The following ARHGAP25 variants were observed in gnomAD, a reference collection of about 807,000 sequenced individuals.
The protein encoded by ARHGAP25 is Rho GTPase activating protein 25.
Under a neutral mutation model 71.0 loss-of-function variants are expected in ARHGAP25, and 34 were observed. That is an observed-to-expected ratio of 0.48 (90% CI 0.36 to 0.64). The LOEUF is 0.64. ARHGAP25 is among the 30% of genes least tolerant of loss of function. ARHGAP25 has a pLI of 0.00. For synonymous variants in ARHGAP25, 282 were observed against 296.5 expected (o/e 0.95, Z 0.50); for missense variants, 706 against 805.1 (o/e 0.88, Z 1.49).
intron 1 of ARHGAP25, among the ~76,000 whole-genome samples, chr2:68,738,458 C>A (rs1027262812): frequency 2.0e-5 from 3 of 152,136 alleles, no homozygotes; most frequent in Non-Finnish European, 4.4e-5. Context: ...GCTTTCTGAA[C>A]ATCAGAAAGT....
At chr2:68,810,420 C>G (rs4854520) in intron 5 of ARHGAP25, among the ~76,000 whole-genome samples, 50,809 of 152,022 alleles carry the variant, frequency 0.33, 8,618 homozygotes, top group East Asian at 0.43. Context: ...AAGCTGAGAC[C>G]CAATAAACAA....
chr2:68,804,139 A>G (rs1194131650), intron 4 of ARHGAP25, among the ~76,000 whole-genome samples: 1 of 152,184 alleles, frequency 6.6e-6, no homozygotes, highest in African/African-American at 2.4e-5. Flanking sequence ...TGAGGAGAAA[A>G]GCTAGAGAAC....
At chr2:68,742,473 G>A (rs1243328306) in intron 1 of ARHGAP25, among the ~76,000 whole-genome samples, 1 of 152,192 alleles carries the variant, frequency 6.6e-6, no homozygotes, top group Non-Finnish European at 1.5e-5. Flanking sequence ...GTGTGACGTT[G>A]GACCTCAGGT....
At chr2:68,816,971 A>C (rs2103688820) in intron 7 of ARHGAP25, 1 of 152,474 alleles carries the variant, frequency 6.6e-6, no homozygotes, top group African/African-American at 2.4e-5. Flanking sequence ...CAATCCCTTC[A>C]CCAGCAACAA....
intron 1 of ARHGAP25, among the ~76,000 whole-genome samples, chr2:68,739,064 G>C (rs1319388481): frequency 6.6e-6 from 1 of 152,180 alleles, no homozygotes; most frequent in Non-Finnish European, 1.5e-5. Context: ...GGCCATTTGA[G>C]GAAAAAGGAC....
intron 4 of ARHGAP25, among the ~76,000 whole-genome samples, chr2:68,799,092 G>C (rs928899442): frequency 1.3e-5 from 2 of 152,190 alleles, no homozygotes; most frequent in Admixed American, 6.5e-5. Flanking sequence ...TTGGACACGG[G>C]TGGTGGCAGT....
intron 3 of ARHGAP25, among the ~76,000 whole-genome samples, chr2:68,785,508 G>T (rs1678691835): frequency 6.6e-6 from 1 of 152,082 alleles, no homozygotes. Flanking sequence ...AGATGGATTT[G>T]CTGAGATTTG....
At chr2:68,720,401 C>G (rs1267854035) in intron 2 of ARHGAP25, among the ~76,000 whole-genome samples, 1 of 149,946 alleles carries the variant, frequency 6.7e-6, no homozygotes, top group Non-Finnish European at 1.5e-5. Context: ...TTACTCTGTA[C>G]AGAGATTAAC....
At chr2:68,760,444 G>T (rs1451046183) in intron 1 of ARHGAP25, among the ~76,000 whole-genome samples, 4 of 151,910 alleles carry the variant, frequency 2.6e-5, no homozygotes, top group African/African-American at 9.7e-5. Context: ...AAATCCTAAG[G>T]ATTCGACCAA....
At chr2:68,774,493 G>A (rs186916762) in intron 1 of ARHGAP25, among the ~76,000 whole-genome samples, 123 of 152,322 alleles carry the variant, frequency 8.1e-4, no homozygotes, top group African/African-American at 2.8e-3. Flanking sequence ...TGGCAGTGAC[G>A]ATCTAACTGT....
chr2:68,724,809 G>A (rs187944765), intron 2 of ARHGAP25, among the ~76,000 whole-genome samples: 2 of 152,220 alleles, frequency 1.3e-5, no homozygotes, highest in East Asian at 1.9e-4. Context: ...GGCCGTGCTC[G>A]ACCTTGTCAT....
chr2:68,740,743 A>C lies in ARHGAP25; in HGVS notation c.61+5483A>C, dbSNP rs369346212. Among the ~76,000 whole-genome samples the C allele has an allele frequency of 6.6e-5, 10 of 152,164 alleles. No individual in the cohort carries two copies. In the East Asian group the frequency reaches 1.5e-3, roughly 23 times the overall value. Reference sequence around the variant, plus strand: ...TTTCTGAACATGCATATATGAGTCAACCCCACAAGTAACTGATCCTTTGGC... The same window carrying C: ...TTTCTGAACATGCATATATGAGTCACCCCCACAAGTAACTGATCCTTTGGC... On this transcript the variant is annotated intron_variant, in intron 1 of 10. Transcript: ENST00000409202.
intron 2 of ARHGAP25, among the ~76,000 whole-genome samples, chr2:68,717,282 C>T (rs887385102): frequency 1.3e-5 from 2 of 152,142 alleles, no homozygotes; most frequent in African/African-American, 4.8e-5. Flanking sequence ...CTGTCATCAA[C>T]AGAAATGTCT....
At chr2:68,807,208 G>A in intron 4 of ARHGAP25, 65 bp from the exon 5 acceptor site, 2 of 1,549,268 alleles carry the variant, frequency 1.3e-6, no homozygotes, top group South Asian at 1.1e-5. Context: ...GACACAGAAA[G>A]TCAAGAAATA....
intron 2 of ARHGAP25, among the ~76,000 whole-genome samples, chr2:68,720,742 C>A (rs1463320887): frequency 1.3e-5 from 2 of 152,196 alleles, no homozygotes; most frequent in Non-Finnish European, 2.9e-5. Context: ...CTCCTACCTA[C>A]CCCTTACCAC....
chr2:68,819,508 G>T lies in ARHGAP25; in HGVS notation c.1200+189G>T, dbSNP rs565367201. 463 of 719,978 alleles carry T rather than the reference G, an allele frequency of 6.4e-4. 1 individual carries two copies. The highest frequency in any genetic ancestry group is 9.5e-4 in the Non-Finnish European group (381 of 400,726). 44.6% of individuals were successfully genotyped at this position (719,978 alleles called of 1,614,324 possible). ...CTCTTTCCAAATCTAGTTTCTATTG[G>T]CATCTTTGAGGGGGGTGAGTGACAA... On this transcript the variant is annotated intron_variant, in intron 9 of 10. Transcript: ENST00000409202.
At chr2:68,748,935 C>T (rs1045740510) in intron 1 of ARHGAP25, among the ~76,000 whole-genome samples, 4 of 152,164 alleles carry the variant, frequency 2.6e-5, no homozygotes, top group African/African-American at 9.7e-5. Context: ...GGAAAAGTAG[C>T]TCTGCTCAGG....
chr2:68,776,572 A>C (rs185330732), intron 2 of ARHGAP25, among the ~76,000 whole-genome samples: 12 of 152,308 alleles, frequency 7.9e-5, no homozygotes, highest in Admixed American at 3.3e-4. Flanking sequence ...AATGGGCTTT[A>C]ATCCTAAATC....
intron 1 of ARHGAP25, among the ~76,000 whole-genome samples, chr2:68,746,591 G>A (rs969742880): frequency 2.6e-5 from 4 of 152,132 alleles, no homozygotes; most frequent in Admixed American, 1.3e-4. Context: ...AACAAAGTTC[G>A]GATGTCTGGG....
Sources: allele counts gnomAD v4.1 joint callset (sites outside exome capture counted in the v4.1 genomes callset), GRCh38; gene constraint gnomAD v4.1.1; transcripts MANE v1.5; gene names NCBI Gene and HGNC (gene_info 2026-07-23, HGNC 2026-07-21).